The following GREB1L variants were observed in gnomAD, a reference collection of about 807,000 sequenced individuals.
GREB1L encodes GREB1-like protein.
Under a neutral mutation model 200.8 loss-of-function variants are expected in GREB1L, and 17 were observed. The ratio of observed to expected loss-of-function variants is 0.08; its 90% confidence interval spans 0.06 to 0.13. GREB1L has a LOEUF of 0.13. Ranked by LOEUF, GREB1L falls within the 10% of genes least tolerant of loss-of-function variation. GREB1L has a pLI of 1.00. For synonymous variants in GREB1L, 789 were observed against 893.0 expected (o/e 0.88, Z 2.08); for missense variants, 1,657 against 2,367.7 (o/e 0.70, Z 6.23).
At chr18:21,366,597 A>G (rs1275402812) in intron 2 of GREB1L, among the ~76,000 whole-genome samples, 1 of 151,414 alleles carries the variant, frequency 6.6e-6, no homozygotes, top group Admixed American at 6.6e-5. Context: ...TTTAATTTAG[A>G]AAAGGAAAAA....
Position 21,459,931 on chromosome 18 carries a change from C to T in GREB1L, c.2182+5368C>T, listed in dbSNP as rs567866336. On this transcript the variant is annotated intron_variant, in intron 15 of 32. Coordinates refer to ENST00000424526, the MANE Select transcript of GREB1L (RefSeq NM_001142966.3). ...CCAATACCCAGCTCTCAGTACCTTC[C>T]GTTCTCACCCTCAGGCACATTTACC... Among the ~76,000 whole-genome samples, 2 of 152,192 alleles carry T rather than the reference C, an allele frequency of 1.3e-5. 1 individual carries two copies. Among genetic ancestry groups the T allele is most frequent in the African/African-American group, 4.8e-5 (2 of 41,530 alleles).
At chr18:21,441,559 T>C (rs1431115274) in intron 10 of GREB1L, 22 bp downstream of exon 10, 2 of 1,539,492 alleles carry the variant, frequency 1.3e-6, no homozygotes, top group Non-Finnish European at 1.8e-6. Context: ...GAATTCCAAG[T>C]TGCCTGTGTC....
chr18:21,371,142 C>A (rs2039856121), intron 2 of GREB1L, among the ~76,000 whole-genome samples: 1 of 152,100 alleles, frequency 6.6e-6, no homozygotes, highest in South Asian at 2.1e-4. Context: ...CCCAGTCACA[C>A]TGGCCACGTT....
intron 1 of GREB1L, among the ~76,000 whole-genome samples, chr18:21,254,930 G>A (rs1237841156): frequency 2.0e-5 from 3 of 152,130 alleles, no homozygotes; most frequent in African/African-American, 4.8e-5. Context: ...ATGGTCATGC[G>A]TCAGCCAGTC....
chr18:21,344,924 C>T (rs1057300018), intron 1 of GREB1L, among the ~76,000 whole-genome samples: 1 of 152,178 alleles, frequency 6.6e-6, no homozygotes, highest in African/African-American at 2.4e-5. Flanking sequence ...CTAAATGTGA[C>T]CTAATTATAT....
At chr18:21,433,810 A>G (rs563078810) in intron 7 of GREB1L, among the ~76,000 whole-genome samples, 1 of 152,186 alleles carries the variant, frequency 6.6e-6, no homozygotes, top group Non-Finnish European at 1.5e-5. Context: ...AGACTCTCAG[A>G]GAGGTTTGAC....
At chr18:21,464,915 C>A (rs913027635) in intron 15 of GREB1L, among the ~76,000 whole-genome samples, 16 of 152,094 alleles carry the variant, frequency 1.1e-4, no homozygotes, top group African/African-American at 3.6e-4. Flanking sequence ...GTCAGGGAGG[C>A]TGTTGGTTAT....
rs750904227 is a variant in GREB1L at position 21,500,640 on chromosome 18, C to T, written c.4070C>T (p.Thr1357Ile). The T allele has an allele frequency of 7.1e-6, 11 of 1,543,256 alleles. No homozygotes were observed. The highest frequency in any genetic ancestry group is 9.6e-6 in the Non-Finnish European group (11 of 1,142,312). ...VDVYDEEEIN[T>I]DHNESSEVSQ... is the part of the protein sequence containing the mutation. ...GTGTATGATGAGGAGGAGATCAACA[C>T]CGGTGAGTGCTGAGCCCAGGGAGTG... Residue 1357 changes from threonine (T) to isoleucine (I), a missense_variant and splice_region_variant, in exon 23 of 33, where the codon ACC becomes ATC. By Grantham distance (89) the Thr-to-Ile change is moderately conservative (BLOSUM62 -1). This residue lies in a region of GREB1L where 512 missense variants were observed against 668.3 expected (regional missense o/e 0.77). Coordinates refer to ENST00000424526, the MANE Select transcript of GREB1L (RefSeq NM_001142966.3).
In GREB1L at chr18:21,289,551, A is replaced by T. The variant is rs201599799; in HGVS notation, c.-120+47158A>T. Among the ~76,000 whole-genome samples, 21 of 152,208 alleles carry T rather than the reference A, an allele frequency of 1.4e-4. No individual in the cohort carries two copies. The East Asian group carries it at 4.1e-3, about 29-fold the overall frequency. The stretch of plus-strand genomic sequence containing the variant: ...CAGTGAGACCATCCCCCCCCGCAAA[A>T]AAAAGGCTTTCTGGTCTTATCCTTA... On this transcript the variant is annotated intron_variant, in intron 1 of 32. Coordinates refer to ENST00000424526, the MANE Select transcript of GREB1L (RefSeq NM_001142966.3).
chr18:21,500,679 G>A (rs1163534095), intron 23 of GREB1L, 37 bp downstream of exon 23: 3 of 1,392,288 alleles, frequency 2.2e-6, no homozygotes, highest in Non-Finnish European at 2.9e-6. Context: ...AGAGGGGCAA[G>A]AGACAAAGAC....
At chr18:21,249,373 C>T (rs185020693) in intron 1 of GREB1L, among the ~76,000 whole-genome samples, 2 of 152,280 alleles carry the variant, frequency 1.3e-5, no homozygotes, top group East Asian at 1.9e-4. Context: ...GGCCCCATCC[C>T]GAGCTTACTG....
chr18:21,441,337 G>C, intron 9 of GREB1L, 63 bp from the exon 10 acceptor site: 1 of 1,367,292 alleles, frequency 7.3e-7, no homozygotes, highest in Non-Finnish European at 9.8e-7. Context: ...AAACTGCATT[G>C]CTTTCTATTG....
intron 19 of GREB1L, among the ~76,000 whole-genome samples, chr18:21,492,117 C>G (rs1174191350): frequency 6.6e-6 from 1 of 151,908 alleles, no homozygotes; most frequent in Non-Finnish European, 1.5e-5. Flanking sequence ...GAGGCCGAGG[C>G]GGGCGGATCA....
At chr18:21,268,597 G>GTA (rs1196913438) in intron 1 of GREB1L, among the ~76,000 whole-genome samples, 22 of 62,984 alleles carry the variant, frequency 3.5e-4, no homozygotes, top group East Asian at 9.8e-4. Context: ...ATATATACAT[G>GTA]TATATATATA....
intron 7 of GREB1L, among the ~76,000 whole-genome samples, chr18:21,429,979 C>T (rs1455220239): frequency 6.6e-6 from 1 of 152,158 alleles, no homozygotes; most frequent in Non-Finnish European, 1.5e-5. Context: ...GGCCTCTCTC[C>T]TTGACTTGCA....
chr18:21,525,539 T>TAAAG lies in GREB1L; in HGVS notation c.*2720_*2723dup, dbSNP rs1277288299. ...ACATTATAGGTTGGACAACCAAGAT[T>TAAAG]AAAGAGGTGTTGAAAACATACATAG... On this transcript the variant is annotated 3_prime_UTR_variant, in exon 33 of 33. Coordinates refer to ENST00000424526, the MANE Select transcript of GREB1L (RefSeq NM_001142966.3). 5 of 152,180 alleles carry TAAAG rather than the reference T, an allele frequency of 3.3e-5. No individual in the cohort carries two copies. The highest frequency in any genetic ancestry group is 2.1e-4 in the South Asian group (1 of 4,836). 9.4% of individuals were successfully genotyped at this position (152,180 alleles called of 1,614,324 possible).
At chr18:21,354,233 C>T (rs1415984459) in intron 1 of GREB1L, among the ~76,000 whole-genome samples, 3 of 152,094 alleles carry the variant, frequency 2.0e-5, no homozygotes, top group Non-Finnish European at 4.4e-5. Flanking sequence ...TAAAGTTTTT[C>T]AGACTGTCAC....
intron 1 of GREB1L, among the ~76,000 whole-genome samples, chr18:21,324,538 G>T (rs2038994629): frequency 1.3e-5 from 2 of 152,244 alleles, no homozygotes; most frequent in Admixed American, 1.3e-4. Flanking sequence ...CTGGCCGGGT[G>T]TGGTGGCTAA....
intron 1 of GREB1L, among the ~76,000 whole-genome samples, chr18:21,299,030 C>T (rs905021877): frequency 6.6e-6 from 1 of 152,124 alleles, no homozygotes; most frequent in Non-Finnish European, 1.5e-5. Context: ...GTAATCCCAG[C>T]ACTTTGGGAG....
Sources: gnomAD v4.1 joint callset for allele counts (sites outside exome capture counted in the v4.1 genomes callset) on GRCh38, gnomAD v4.1.1 for gene constraint, gnomAD v4.1.1 regional missense constraint, MANE v1.5 for transcripts, NCBI Gene and HGNC (gene_info 2026-07-23, HGNC 2026-07-21) for gene names.